SMPDL3B: variants seen among roughly 807,000 people sequenced by gnomAD.
SMPDL3B encodes sphingomyelin phosphodiesterase acid like 3B.
SMPDL3B carries 31 observed loss-of-function variants against 37.9 expected under a neutral mutation model. The ratio of observed to expected loss-of-function variants is 0.82; its 90% CI spans 0.61 to 1.10. The LOEUF (loss-of-function observed/expected upper bound fraction) is 1.10, where lower values mean the gene tolerates loss of function less well. SMPDL3B is among the 50% of genes least tolerant of loss of function. The pLI, the probability that SMPDL3B is intolerant of heterozygous loss-of-function variation, is 0.00. For synonymous variants in SMPDL3B, 235 were observed against 242.6 expected, an observed-to-expected ratio of 0.97 and a Z score of 0.29; for missense variants, 525 against 597.8, an observed-to-expected ratio of 0.88 and a Z score of 1.27.
At chr1:27,956,551 C>T in intron 7 of SMPDL3B, 4 of 1,026,894 alleles carry the variant, frequency 3.9e-6, no homozygotes, top group Non-Finnish European at 4.7e-6. Context: ...GGCTCCAGCC[C>T]CTAATTCTTT....
intron 2 of SMPDL3B, 143 bp from the exon 3 acceptor site, chr1:27,948,922 C>T: frequency 6.7e-7 from 1 of 1,485,468 alleles, no homozygotes; most frequent in Middle Eastern, 1.7e-4. Flanking sequence ...CATCTGACTC[C>T]ACTCTAGCCT....
Position 27,958,379 on chromosome 1 carries a change from C to G in SMPDL3B, c.1006-97C>G. 2 of 1,476,556 alleles carry G rather than the reference C, an allele frequency of 1.4e-6. No individual in the cohort carries two copies. The highest frequency in any genetic ancestry group is 1.8e-6 in the Non-Finnish European group (2 of 1,099,702). The allele number at this position is 1,476,556 out of a possible 1,614,324, so 91.5% of individuals were successfully genotyped here. A position where few individuals can be genotyped will look rare whatever the true frequency, so the allele number is the denominator to read the frequency against. On this transcript the variant is annotated intron_variant, in intron 7 of 7. Transcript: ENST00000373894. The surrounding 1 kb of genome is among the most constrained non-coding windows in gnomAD (Gnocchi z 5.6). ...CTCAATAACTACTAGTGGTCATGGT[C>G]ACTGCTCTAAAGAACTTGGGGGCAA...
chr1:27,953,022 A>G (rs2090466706), intron 3 of SMPDL3B, among the ~76,000 whole-genome samples, 193 bp from the exon 4 acceptor site: 1 of 152,158 alleles, frequency 6.6e-6, no homozygotes, highest in South Asian at 2.1e-4. Context: ...GAAAGAACCC[A>G]CTGCTCTTCC....
intron 1 of SMPDL3B, 62 bp downstream of exon 1, chr1:27,935,306 A>C: frequency 3.1e-6 from 4 of 1,292,646 alleles, no homozygotes; most frequent in Non-Finnish European, 4.5e-6. Context: ...GGGCTGCGGG[A>C]AGCTGCTCGC....
Position 27,959,083 on chromosome 1 carries a change from A to AC in SMPDL3B, c.*251dup, listed in dbSNP as rs1403501083. 3.3e-5 allele frequency: 17 copies of AC among 511,132 alleles called. No individual in the cohort carries two copies. Among genetic ancestry groups the AC allele is most frequent in the African/African-American group, 1.1e-4 (6 of 52,572 alleles). 31.7% of individuals were successfully genotyped at this position (511,132 alleles called of 1,614,324 possible). A position where few individuals can be genotyped will look rare whatever the true frequency, so the allele number is the denominator to read the frequency against. ...AACAGAAAAGAAATGACGACCCAAG[A>AC]CCCCCCTACAAGCATACTTCTTTTG... On this transcript the variant is annotated 3_prime_UTR_variant, in exon 8 of 8. Coordinates refer to ENST00000373894, the MANE Select transcript of SMPDL3B (RefSeq NM_014474.4).
intron 3 of SMPDL3B, among the ~76,000 whole-genome samples, chr1:27,950,260 G>T (rs151181214): frequency 2.0e-5 from 3 of 152,238 alleles, no homozygotes; most frequent in Middle Eastern, 3.4e-3. Flanking sequence ...TCTTCCAGCA[G>T]GGGTCAAACC....
chr1:27,941,145 C>A (rs1159258188), intron 1 of SMPDL3B, among the ~76,000 whole-genome samples: 2 of 152,184 alleles, frequency 1.3e-5, no homozygotes, highest in Non-Finnish European at 2.9e-5. Context: ...GGCCTGGAAG[C>A]TGATGGATCC....
chr1:27,949,470 G>C (rs2090437468), intron 3 of SMPDL3B, among the ~76,000 whole-genome samples: 1 of 152,208 alleles, frequency 6.6e-6, no homozygotes, highest in African/African-American at 2.4e-5. Flanking sequence ...TTGCACACAG[G>C]TGTCGTCCCT....
chr1:27,956,838 G>A (rs1169035961), intron 7 of SMPDL3B, among the ~76,000 whole-genome samples: 3 of 152,082 alleles, frequency 2.0e-5, no homozygotes, highest in Non-Finnish European at 2.9e-5. Context: ...TATGGGAGGT[G>A]TGTACTGTGT....
chr1:27,943,153 C>T (rs992619408), intron 1 of SMPDL3B, among the ~76,000 whole-genome samples: 1 of 152,124 alleles, frequency 6.6e-6, no homozygotes, highest in Non-Finnish European at 1.5e-5. Context: ...GGGATTGGAG[C>T]CCAGAGATCC....
At chr1:27,954,701 C>G (rs2090484163) in intron 5 of SMPDL3B, among the ~76,000 whole-genome samples, 175 bp downstream of exon 5, 1 of 152,210 alleles carries the variant, frequency 6.6e-6, no homozygotes, top group African/African-American at 2.4e-5. Flanking sequence ...GTGCTGGGAT[C>G]TGGAGCCCAC....
chr1:27,952,253 C>T lies in SMPDL3B; in HGVS notation c.374-962C>T, dbSNP rs557508662. Among the ~76,000 whole-genome samples, 12 of 151,864 alleles carry T rather than the reference C, an allele frequency of 7.9e-5. No homozygotes were observed. The East Asian group carries it at 2.3e-3, about 29-fold the overall frequency. Reference sequence around the variant, plus strand: ...GTTTTTCTAGGCAGTTACAGTGATGCGTTTTGACAACCTCCTACTTTGGCA... The same window carrying T: ...GTTTTTCTAGGCAGTTACAGTGATGTGTTTTGACAACCTCCTACTTTGGCA... On this transcript the variant is annotated intron_variant, in intron 3 of 7. Transcript: ENST00000373894.
chr1:27,951,228 T>G (rs138127867), intron 3 of SMPDL3B, among the ~76,000 whole-genome samples: 3 of 152,284 alleles, frequency 2.0e-5, no homozygotes, highest in Non-Finnish European at 4.4e-5. Context: ...ACACAGCGCT[T>G]TCTCATGGCC....
At chr1:27,935,903 T>G (rs2090304021) in intron 1 of SMPDL3B, among the ~76,000 whole-genome samples, 1 of 151,940 alleles carries the variant, frequency 6.6e-6, no homozygotes, top group African/African-American at 2.4e-5. Flanking sequence ...ACAGGAGATG[T>G]GCATGAGGAA....
intron 1 of SMPDL3B, chr1:27,941,358 T>G (rs1010082): frequency 0.42 from 64,352 of 152,024 alleles, 14,272 homozygotes; most frequent in South Asian, 0.65. Flanking sequence ...AAGACCAGTG[T>G]ATGAAAGTCT....
rs1440202995 is a variant in SMPDL3B at position 27,935,064 on chromosome 1, T to G, written c.-120T>G. ...GACGCCTTGGAGGACTTGGAACACC[T>G]GTAACAGGACAAGGAGTTCTGCTCA... On this transcript the variant is annotated 5_prime_UTR_variant, in exon 1 of 8. Transcript: ENST00000373894. 4.2e-6 allele frequency: 3 copies of G among 714,728 alleles called. No homozygotes were observed. Among genetic ancestry groups the G allele is most frequent in the Non-Finnish European group, 4.9e-6 (2 of 409,890 alleles). 44.3% of individuals were successfully genotyped at this position (714,728 alleles called of 1,614,324 possible).
At chr1:27,947,824 G>A (rs746029791) in intron 2 of SMPDL3B, among the ~76,000 whole-genome samples, 12 of 151,228 alleles carry the variant, frequency 7.9e-5, no homozygotes, top group African/African-American at 2.9e-4. Flanking sequence ...CTTATGATCC[G>A]CCTGCCTCGG....
Position 27,953,343 on chromosome 1 carries a change from G to C in SMPDL3B, c.502G>C (p.Ala168Pro). 3.7e-6 allele frequency: 6 copies of C among 1,611,582 alleles called. No individual in the cohort carries two copies. The highest frequency in any genetic ancestry group is 5.1e-6 in the Non-Finnish European group (6 of 1,179,194). Residue 168 changes from alanine to proline, a missense_variant, in exon 4 of 8, where the codon GCT becomes CCT. Coordinates refer to ENST00000373894, the MANE Select transcript of SMPDL3B (RefSeq NM_014474.4). ...WKPWLSNESIALFKKGAFYCE... is the reference protein window; with the variant it reads ...WKPWLSNESIPLFKKGAFYCE... Reference sequence around the variant, plus strand: ...ACCCTGGCTTAGTAATGAGTCCATCGCTCTCTTCAAAAAAGGTACCAACAC... The same window carrying C: ...ACCCTGGCTTAGTAATGAGTCCATCCCTCTCTTCAAAAAAGGTACCAACAC...
In SMPDL3B at chr1:27,954,425, T is replaced by C. The variant is rs1279120546; in HGVS notation, c.589T>C (p.Tyr197His). 1 of 1,613,974 alleles carries C rather than the reference T, an allele frequency of 6.2e-7. No homozygotes were observed. The highest frequency in any genetic ancestry group is 8.5e-7 in the Non-Finnish European group (1 of 1,180,036). Residue 197 changes from tyrosine (Y) to histidine (H), a missense_variant, in exon 5 of 8, where the codon TAC becomes CAC. Physicochemically the swap from Tyr to His is moderately conservative, Grantham distance 83. Coordinates refer to ENST00000373894, the MANE Select transcript of SMPDL3B (RefSeq NM_014474.4). ...AATTGTGGTCCTCAACACCAATCTGTACTATACCAGCAATGCGCTGACAGC... is the reference window on the plus strand; with the variant it reads ...AATTGTGGTCCTCAACACCAATCTGCACTATACCAGCAATGCGCTGACAGC... ...GRIVVLNTNL[Y>H]YTSNALTADM...
Sources: gnomAD v4.1 joint callset for allele counts (sites outside exome capture counted in the v4.1 genomes callset) on GRCh38, gnomAD v4.1.1 for gene constraint, Gnocchi (gnomAD v3.1) non-coding constraint, MANE v1.5 for transcripts, NCBI Gene and HGNC (gene_info 2026-07-23, HGNC 2026-07-21) for gene names.